SIRPB1: variants seen among roughly 807,000 people sequenced by gnomAD.
SIRPB1 encodes signal regulatory protein beta 1, also known as signal-regulatory protein beta-1.
In SIRPB1, 28 loss-of-function variants were observed where a neutral mutation model predicts 34.1. The ratio of observed to expected loss-of-function variants is 0.82; its 90% CI spans 0.61 to 1.12. The LOEUF is 1.12. Among genes scored for constraint, SIRPB1 ranks in the 50% most tolerant of loss-of-function variants. The pLI is 0.00. For synonymous variants in SIRPB1, 211 were observed against 203.8 expected (o/e 1.04, Z -0.30); for missense variants, 499 against 507.0 (o/e 0.98, Z 0.15).
At chr20:1,615,895 A>G (rs887856718) in intron 1 of SIRPB1, among the ~76,000 whole-genome samples, 13 of 152,178 alleles carry the variant, frequency 8.5e-5, no homozygotes, top group Non-Finnish European at 1.8e-4. Context: ...TTATTTACCT[A>G]TTTATCATGT....
chr20:1,588,879 C>G, intron 1 of SIRPB1: 1 of 115,088 alleles, frequency 8.7e-6, no homozygotes, highest in Non-Finnish European at 1.6e-5. Context: ...ATAATGCTTC[C>G]TCTTCAACTG....
intron 2 of SIRPB1, 114 bp from the exon 3 acceptor site, chr20:1,572,151 T>C: frequency 6.6e-7 from 1 of 1,507,022 alleles, no homozygotes; most frequent in Non-Finnish European, 9.0e-7. Context: ...TTTCTAATAA[T>C]GTCGTGAAGG....
intron 1 of SIRPB1, among the ~76,000 whole-genome samples, chr20:1,579,348 C>T (rs531389347): frequency 6.7e-6 from 1 of 148,404 alleles, no homozygotes; most frequent in South Asian, 2.1e-4. Context: ...TTATGGCCTC[C>T]ACTCTGTGGT....
intron 4 of SIRPB1, among the ~76,000 whole-genome samples, chr20:1,567,355 T>G (rs1371531442): frequency 6.6e-6 from 1 of 152,164 alleles, no homozygotes; most frequent in East Asian, 1.9e-4. Context: ...TACAGGACCC[T>G]CCGGCCTTTT....
intron 3 of SIRPB1, among the ~76,000 whole-genome samples, 173 bp downstream of exon 3, chr20:1,571,547 C>T (rs1460321343): frequency 6.6e-6 from 1 of 152,180 alleles, no homozygotes; most frequent in Non-Finnish European, 1.5e-5. Context: ...GTTGCTGGTC[C>T]CCTGACAGCT....
Position 1,610,705 on chromosome 20 carries a change from G to A in SIRPB1, c.76+9164C>T, listed in dbSNP as rs548342791. 7.6e-4 allele frequency among the ~76,000 whole-genome samples: 55 copies of A among 72,322 alleles called. 25 individuals carry two copies. The highest frequency in any genetic ancestry group is 3.8e-3 in the African/African-American group (43 of 11,356). 47.4% of individuals were successfully genotyped at this position (72,322 alleles called of 152,430 possible). ...AATAGACCCACAGCAAATGCCAAACGTATTGGCATCTCCTCCCACCAGGCC... is the reference window on the plus strand; with the variant it reads ...AATAGACCCACAGCAAATGCCAAACATATTGGCATCTCCTCCCACCAGGCC... On this transcript the variant is annotated intron_variant, in intron 1 of 5. Transcript: ENST00000381605.
In SIRPB1 at chr20:1,619,978, G is replaced by A. The variant is rs370372794; in HGVS notation, c.-34C>T. 31 of 1,598,620 alleles carry A rather than the reference G, an allele frequency of 1.9e-5. No individual in the cohort carries two copies. Among genetic ancestry groups the A allele is most frequent in the Admixed American group, 5.3e-5 (3 of 56,786 alleles). On this transcript the variant is annotated 5_prime_UTR_variant, in exon 1 of 6. In the 5' UTR this introduces an upstream ATG that the reference lacks. Transcript: ENST00000381605. ...CCTTAGGAGCCTGCTCTGTCCAAAC[G>A]TCTGTGCTGGGAAGATCGCAGACTC...
rs2091475914 is a variant in SIRPB1 at position 1,601,485 on chromosome 20, C to A, written c.76+18384G>T. 4.0e-5 allele frequency among the ~76,000 whole-genome samples: 2 copies of A among 49,444 alleles called. 1 individual carries two copies. Among genetic ancestry groups the A allele is most frequent in the South Asian group, 1.4e-3 (2 of 1,408 alleles). The allele number at this position is 49,444 out of a possible 152,430, so 32.4% of individuals were successfully genotyped here. A position where few individuals can be genotyped will look rare whatever the true frequency, so the allele number is the denominator to read the frequency against. On this transcript the variant is annotated intron_variant, in intron 1 of 5. Coordinates refer to ENST00000381605, the MANE Select transcript of SIRPB1 (RefSeq NM_006065.5). ...CACTTGGACAAAGAATGCCAAACTG[C>A]AAAATGACTGTGGGTCAAAAGAGAA...
In SIRPB1 at chr20:1,563,281, G is replaced by T. The variant is rs1195639224; in HGVS notation, c.*2219C>A. Reference sequence around the variant, plus strand: ...GGCCAAGACAGGTGGATCACCTGAGGTCGGGAGTTCAAGACTAGTCTGATC... The same window carrying T: ...GGCCAAGACAGGTGGATCACCTGAGTTCGGGAGTTCAAGACTAGTCTGATC... On this transcript the variant is annotated 3_prime_UTR_variant, in exon 6 of 6. Coordinates refer to ENST00000381605, the MANE Select transcript of SIRPB1 (RefSeq NM_006065.5). 6.6e-6 allele frequency among the ~76,000 whole-genome samples: 1 copy of T among 152,244 alleles called. No individual in the cohort carries two copies. The highest frequency in any genetic ancestry group is 1.5e-5 in the Non-Finnish European group (1 of 68,020).
chr20:1,577,698 C>T (rs1435686042), intron 2 of SIRPB1, among the ~76,000 whole-genome samples: 1 of 146,780 alleles, frequency 6.8e-6, no homozygotes, highest in Non-Finnish European at 1.5e-5. Flanking sequence ...TCTCCTCCCA[C>T]CAAGCCATCA....
At position 1,585,717 on chromosome 20, in the gene SIRPB1, A is replaced by T. The variant is rs1246137010; in HGVS notation, c.77-7023T>A. The stretch of plus-strand genomic sequence containing the variant: ...CTCAAAATTCAAAAATAGAATTATC[A>T]TATGATCCAGCAATCTCACTACTGA... On this transcript the variant is annotated intron_variant, in intron 1 of 5. Transcript: ENST00000381605. 4.1e-5 allele frequency among the ~76,000 whole-genome samples: 2 copies of T among 48,634 alleles called. 1 individual carries two copies. The highest frequency in any genetic ancestry group is 7.9e-5 in the Non-Finnish European group (2 of 25,344). 31.9% of individuals were successfully genotyped at this position (48,634 alleles called of 152,430 possible). A position where few individuals can be genotyped will look rare whatever the true frequency, so the allele number is the denominator to read the frequency against.
chr20:1,615,989 T>C (rs1186181993), intron 1 of SIRPB1, among the ~76,000 whole-genome samples: 1 of 151,932 alleles, frequency 6.6e-6, no homozygotes, highest in Non-Finnish European at 1.5e-5. Context: ...CCAAAAAAGC[T>C]AAAATAGCTA....
In SIRPB1 at chr20:1,571,805, G is replaced by A. The variant is rs146852997; in HGVS notation, c.666C>T (p.His222=). The part of the protein sequence containing the change: ...ARVVLTRGDV[H]SQVICEIAHI... ...GGGCTATCTCGCAGATGACTTGAGAGTGAACGTCCCCACGGGTCAGCACCA... is the reference window on the plus strand; with the variant it reads ...GGGCTATCTCGCAGATGACTTGAGAATGAACGTCCCCACGGGTCAGCACCA... Residue 222 remains histidine, a synonymous_variant, in exon 3 of 6, where the codon CAC becomes CAT. Transcript: ENST00000381605. 3.7e-5 allele frequency: 60 copies of A among 1,614,132 alleles called. No individual in the cohort carries two copies. In the African/African-American group the frequency reaches 7.3e-4, roughly 20 times the overall value.
At position 1,611,573 on chromosome 20, in the gene SIRPB1, G is replaced by C. The variant is rs45497395; in HGVS notation, c.76+8296C>G. 105 of 1,131,112 alleles carry C rather than the reference G, an allele frequency of 9.3e-5. 21 individuals are homozygous for C. The African/African-American group carries it at 1.5e-3, about 16-fold the overall frequency. 70.1% of individuals were successfully genotyped at this position (1,131,112 alleles called of 1,614,324 possible). On this transcript the variant is annotated intron_variant, in intron 1 of 5. Transcript: ENST00000381605. ...TGATTGTAGATTAATTCCCGGCCTG[G>C]TCCAGCTCCTCTGAACCACTGGATG...
intron 1 of SIRPB1, among the ~76,000 whole-genome samples, chr20:1,616,041 A>G (rs550200015): frequency 9.2e-5 from 14 of 152,350 alleles, no homozygotes; most frequent in African/African-American, 2.4e-4. Flanking sequence ...TCCACAAAAA[A>G]AGCTATAACA....
rs2122259653 is a variant in SIRPB1, at chr20:1,593,637, C to T, written c.77-14943G>A. On this transcript the variant is annotated intron_variant, in intron 1 of 5. Coordinates refer to ENST00000381605, the MANE Select transcript of SIRPB1 (RefSeq NM_006065.5). Reference sequence around the variant, plus strand: ...ATTTGTACATTATTAAAATATATTTCAAGATGTTTTGCTGATTTTAATAGG... The same window carrying T: ...ATTTGTACATTATTAAAATATATTTTAAGATGTTTTGCTGATTTTAATAGG... Among the ~76,000 whole-genome samples the T allele has an allele frequency of 4.1e-5, 2 of 48,224 alleles. 1 individual carries two copies. Among genetic ancestry groups the T allele is most frequent in the African/African-American group, 2.7e-4 (2 of 7,336 alleles). The allele number at this position is 48,224 out of a possible 152,430, so 31.6% of individuals were successfully genotyped here. A position where few individuals can be genotyped will look rare whatever the true frequency, so the allele number is the denominator to read the frequency against.
Position 1,563,176 on chromosome 20 carries a change from G to A in SIRPB1, c.*2324C>T, listed in dbSNP as rs1467186358. 6.6e-6 allele frequency among the ~76,000 whole-genome samples: 1 copy of A among 152,168 alleles called. No homozygotes were observed. The highest frequency in any genetic ancestry group is 1.5e-5 in the Non-Finnish European group (1 of 68,016). ...AAGCTAGTCCAAACTTAGAAAGATG[G>A]CAAAACACCAAGGTATAATAGAAAT... On this transcript the variant is annotated 3_prime_UTR_variant, in exon 6 of 6. Coordinates refer to ENST00000381605, the MANE Select transcript of SIRPB1 (RefSeq NM_006065.5).
At chr20:1,566,585 A>G (rs935342480) in intron 4 of SIRPB1, among the ~76,000 whole-genome samples, 1 of 152,158 alleles carries the variant, frequency 6.6e-6, no homozygotes, top group Non-Finnish European at 1.5e-5. Context: ...GGCAGGGATT[A>G]TTATTCCATT....
At chr20:1,578,311 GA>G in intron 2 of SIRPB1, 26 bp downstream of exon 2, 1 of 1,563,706 alleles carries the variant, frequency 6.4e-7, no homozygotes, top group South Asian at 1.1e-5. Context: ...CACACCAGGG[GA>G]CAAAGGAGGC....
Sources: allele counts gnomAD v4.1 joint callset (sites outside exome capture counted in the v4.1 genomes callset), GRCh38; gene constraint gnomAD v4.1.1; transcripts MANE v1.5; gene names NCBI Gene and HGNC (gene_info 2026-07-23, HGNC 2026-07-21).